DNAH14: variants seen among roughly 807,000 people sequenced by gnomAD.
The protein encoded by DNAH14 is axonemal beta dynein heavy chain 14.
In DNAH14, 478 loss-of-function variants were observed where a neutral mutation model predicts 520.9. That is an observed-to-expected ratio of 0.92 (90% confidence interval 0.85 to 0.99). DNAH14 has a LOEUF of 0.99. Among genes scored for constraint, DNAH14 ranks in the 50% least tolerant of loss-of-function variants. The pLI, the probability that DNAH14 is intolerant of heterozygous loss-of-function variation, is 0.00. For synonymous variants in DNAH14, 1,581 were observed against 1,757.2 expected (o/e 0.90, Z 2.51); for missense variants, 4,831 against 5,234.5 (o/e 0.92, Z 2.38).
rs189157630 is a variant in DNAH14 at position 225,366,452 on chromosome 1, T to C, written c.12091-1353T>C. 5.6e-3 allele frequency among the ~76,000 whole-genome samples: 849 copies of C among 152,264 alleles called. 7 individuals carry two copies. The highest frequency in any genetic ancestry group is 6.6e-3 in the Non-Finnish European group (448 of 68,008). On this transcript the variant is annotated intron_variant, in intron 76 of 85. Coordinates refer to ENST00000682510, the MANE Select transcript of DNAH14 (RefSeq NM_001367479.1). ...TTCCACTCACTTTCCCCTTCAGATATAGTTCTGAAGGCGGACAGACACCTA... is the reference window on the plus strand; with the variant it reads ...TTCCACTCACTTTCCCCTTCAGATACAGTTCTGAAGGCGGACAGACACCTA...
intron 49 of DNAH14, among the ~76,000 whole-genome samples, chr1:225,267,392 C>T (rs1414084295): frequency 6.7e-6 from 1 of 149,658 alleles, no homozygotes; most frequent in Non-Finnish European, 1.5e-5. Context: ...CTCCCAGGTT[C>T]ACACCATTCT....
rs1014483733 is a variant in DNAH14, at chr1:225,192,912, G to A, written c.5886+1G>A. On this transcript the variant is annotated splice_donor_variant, in intron 38 of 85. Coordinates refer to ENST00000682510, the MANE Select transcript of DNAH14 (RefSeq NM_001367479.1). LOFTEE classifies it high-confidence loss of function. ...GTCAAGAATCTCAGATTTATCCAAT[G>A]TAAGTTTAGTATTGAATGAATGTTT... 3 of 1,538,392 alleles carry A rather than the reference G, an allele frequency of 2.0e-6. No homozygotes were observed. Among genetic ancestry groups the A allele is most frequent in the African/African-American group, 2.8e-5 (2 of 72,680 alleles).
chr1:225,206,053 T>C lies in DNAH14; in HGVS notation c.6060T>C (p.Thr2020=). 6.4e-7 allele frequency: 1 copy of C among 1,551,670 alleles called. No individual in the cohort carries two copies. The highest frequency in any genetic ancestry group is 8.7e-7 in the Non-Finnish European group (1 of 1,146,880). ...ATCTGAACTCTGTGCTAGATGATAC[T>C]AGAACATTGTGCCTAGCAAACAGTG... ...VENLNSVLDD[T]RTLCLANSER... Residue 2020 remains threonine (T), a synonymous_variant, in exon 40 of 86, where the codon ACT becomes ACC. Transcript: ENST00000682510.
At chr1:224,940,885 A>G (rs1244339541) in intron 1 of DNAH14, among the ~76,000 whole-genome samples, 1 of 152,142 alleles carries the variant, frequency 6.6e-6, no homozygotes, top group South Asian at 2.1e-4. Flanking sequence ...TCCATGGTGT[A>G]TATGTGCCAC....
intron 8 of DNAH14, among the ~76,000 whole-genome samples, chr1:224,998,606 G>A (rs2063547523): frequency 6.6e-6 from 1 of 151,998 alleles, no homozygotes; most frequent in African/African-American, 2.4e-5. Flanking sequence ...ATTTCATTGT[G>A]GTGAGAAATT....
intron 62 of DNAH14, among the ~76,000 whole-genome samples, chr1:225,323,706 C>G (rs2094597706): frequency 6.6e-6 from 1 of 152,014 alleles, no homozygotes; most frequent in African/African-American, 2.4e-5. Flanking sequence ...TGTGATCTGC[C>G]CCCCTGGGCG....
intron 71 of DNAH14, among the ~76,000 whole-genome samples, chr1:225,347,585 G>T (rs1196269943): frequency 1.3e-5 from 2 of 152,150 alleles, no homozygotes; most frequent in African/African-American, 4.8e-5. Flanking sequence ...TGGCATCAGA[G>T]TTTGGAAGCC....
intron 75 of DNAH14, among the ~76,000 whole-genome samples, chr1:225,363,633 C>T (rs1004212324): frequency 2.6e-5 from 4 of 152,100 alleles, no homozygotes; most frequent in Non-Finnish European, 5.9e-5. Context: ...CCTGACTATC[C>T]ACAGGGGATT....
chr1:224,995,216 A>C (rs1206153838), intron 8 of DNAH14, among the ~76,000 whole-genome samples: 1 of 152,086 alleles, frequency 6.6e-6, no homozygotes, highest in Non-Finnish European at 1.5e-5. Context: ...AATTCCTGTA[A>C]AGCAGGCCTG....
At chr1:225,087,305 A>G (rs963597261) in intron 21 of DNAH14, among the ~76,000 whole-genome samples, 1 of 152,144 alleles carries the variant, frequency 6.6e-6, no homozygotes, top group Non-Finnish European at 1.5e-5. Context: ...TTCCCACAAT[A>G]ACTAATCCAC....
At chr1:225,132,688 C>T (rs1422201877) in intron 27 of DNAH14, among the ~76,000 whole-genome samples, 1 of 152,090 alleles carries the variant, frequency 6.6e-6, no homozygotes, top group Non-Finnish European at 1.5e-5. Flanking sequence ...TACATGTGTG[C>T]ATGTATCTTT....
chr1:225,038,580 C>T lies in DNAH14; in HGVS notation c.1359-114C>T, dbSNP rs2067177285. On this transcript the variant is annotated intron_variant, in intron 11 of 85. Transcript: ENST00000682510. ...TCTTTGCAGAAAGGTCTAGTCAGGT[C>T]CTTTGCCTGTTTTTTAATTGGGTTG... 8.7e-6 allele frequency: 9 copies of T among 1,034,966 alleles called. No homozygotes were observed. The South Asian group carries it at 1.4e-4, about 16-fold the overall frequency. The allele number at this position is 1,034,966 out of a possible 1,614,324, so 64.1% of individuals were successfully genotyped here.
At chr1:225,211,107 A>G (rs1282763306) in intron 41 of DNAH14, among the ~76,000 whole-genome samples, 1 of 152,210 alleles carries the variant, frequency 6.6e-6, no homozygotes, top group Non-Finnish European at 1.5e-5. Flanking sequence ...CCTCCAAAGG[A>G]TTACAATTCC....
chr1:225,374,252 A>ATATATAATATATATATTTGTC (rs2095664172), intron 77 of DNAH14, among the ~76,000 whole-genome samples: 1 of 5,630 alleles, frequency 1.8e-4, no homozygotes, highest in African/African-American at 2.3e-3. Flanking sequence ...ATTTGTCTAT[A>ATATATAATATATATATTTGTC]TATATATATA....
chr1:224,937,983 A>G (rs1411770839), intron 1 of DNAH14, among the ~76,000 whole-genome samples: 1 of 152,194 alleles, frequency 6.6e-6, no homozygotes, highest in Non-Finnish European at 1.5e-5. Context: ...GTGTTAGGAA[A>G]GCTGGATAAC....
chr1:225,016,443 T>C (rs77429276), intron 10 of DNAH14, among the ~76,000 whole-genome samples: 3,605 of 152,286 alleles, frequency 0.024, 108 homozygotes, highest in African/African-American at 0.073. Flanking sequence ...TTCCCTTATA[T>C]GTGACTTGAC....
At chr1:225,211,434 T>A (rs951272815) in intron 41 of DNAH14, among the ~76,000 whole-genome samples, 5 of 150,542 alleles carry the variant, frequency 3.3e-5, no homozygotes, top group Admixed American at 1.3e-4. Context: ...GATGAAATAA[T>A]GCATTAGGAT....
Position 225,324,819 on chromosome 1 carries a change from G to A in DNAH14, c.9710G>A (p.Arg3237Lys). 4 of 1,551,268 alleles carry A rather than the reference G, an allele frequency of 2.6e-6. No homozygotes were observed. Among genetic ancestry groups the A allele is most frequent in the Non-Finnish European group, 3.5e-6 (4 of 1,146,754 alleles). Residue 3237 changes from arginine (R) to lysine (K), a missense_variant, in exon 64 of 86, where the codon AGA becomes AAA. By Grantham distance (26) the Arg-to-Lys change is conservative. Transcript: ENST00000682510. The stretch of plus-strand genomic sequence containing the variant: ...CGACAAAGACTTGCTGAGAAACAAA[G>A]AGGTTTACAGCTGGTAAGAAATACA... ...IARQRLAEKQ[R>K]GLQLVEEHLL... is the part of the protein sequence containing the mutation.
intron 11 of DNAH14, among the ~76,000 whole-genome samples, chr1:225,026,624 G>T (rs996155576): frequency 1.3e-5 from 2 of 152,124 alleles, no homozygotes; most frequent in Non-Finnish European, 2.9e-5. Context: ...CTCCATGTCT[G>T]TCCTTATGCC....
Sources: allele counts gnomAD v4.1 joint callset (sites outside exome capture counted in the v4.1 genomes callset), GRCh38; gene constraint gnomAD v4.1.1; transcripts MANE v1.5; gene names NCBI Gene and HGNC (gene_info 2026-07-23, HGNC 2026-07-21).